Variants in TAOK3 observed in about 807,000 individuals in gnomAD.
The protein encoded by TAOK3 is TAO kinase 3.
TAOK3 carries 40 observed loss-of-function variants against 120.4 expected under a neutral mutation model. That is an observed-to-expected ratio of 0.33 (90% CI 0.26 to 0.43). The LOEUF (loss-of-function observed/expected upper bound fraction) is 0.43. TAOK3 is among the 20% of genes least tolerant of loss of function. TAOK3 has a pLI of 1.00. For synonymous variants in TAOK3, 355 were observed against 387.5 expected (o/e 0.92, Z 0.99); for missense variants, 821 against 1,112.1 (o/e 0.74, Z 3.72).
At chr12:118,368,678 C>T (rs1352457574) in intron 1 of TAOK3, among the ~76,000 whole-genome samples, 3 of 150,400 alleles carry the variant, frequency 2.0e-5, no homozygotes, top group Non-Finnish European at 3.0e-5. Context: ...TGGTGGCGCA[C>T]GCCTGTAATC....
intron 1 of TAOK3, among the ~76,000 whole-genome samples, chr12:118,335,754 A>G (rs2044343511): frequency 6.6e-6 from 1 of 152,148 alleles, no homozygotes; most frequent in South Asian, 2.1e-4. Context: ...GCTTGGACCC[A>G]GGAGGCAGAG....
At chr12:118,277,277 C>A (rs1488537493) in intron 1 of TAOK3, among the ~76,000 whole-genome samples, 1 of 152,146 alleles carries the variant, frequency 6.6e-6, no homozygotes, top group Non-Finnish European at 1.5e-5. Flanking sequence ...TATCATCTGG[C>A]CTTCACAAGA....
At chr12:118,164,269 G>A (rs1250880397) in intron 17 of TAOK3, among the ~76,000 whole-genome samples, 1 of 151,328 alleles carries the variant, frequency 6.6e-6, no homozygotes, top group Non-Finnish European at 1.5e-5. Flanking sequence ...GTAGCTTGCA[G>A]GGAGCCAAGA....
At chr12:118,297,087 C>T (rs1204798000) in intron 1 of TAOK3, 3 of 152,066 alleles carry the variant, frequency 2.0e-5, no homozygotes, top group East Asian at 3.9e-4. Context: ...TTTCTTCTTC[C>T]GCATGATTAA....
intron 1 of TAOK3, among the ~76,000 whole-genome samples, chr12:118,368,187 C>A (rs888451670): frequency 6.6e-6 from 1 of 152,140 alleles, no homozygotes; most frequent in African/African-American, 2.4e-5. Context: ...TCCATCTTAA[C>A]GACTTTTGGT....
intron 1 of TAOK3, among the ~76,000 whole-genome samples, chr12:118,318,742 G>A (rs1225546119): frequency 1.3e-5 from 2 of 152,096 alleles, no homozygotes; most frequent in Non-Finnish European, 2.9e-5. Context: ...ACATCCAAAG[G>A]AAATGAAATG....
At chr12:118,211,633 G>C (rs1176351903) in intron 11 of TAOK3, among the ~76,000 whole-genome samples, 1 of 135,614 alleles carries the variant, frequency 7.4e-6, no homozygotes, top group African/African-American at 2.8e-5. Flanking sequence ...TTTTTTTAAA[G>C]AGATGGTATT....
intron 1 of TAOK3, among the ~76,000 whole-genome samples, chr12:118,327,594 T>A (rs770326407): frequency 8.5e-5 from 13 of 152,222 alleles, no homozygotes; most frequent in Non-Finnish European, 1.8e-4. Flanking sequence ...GTTCATTCAA[T>A]ATCAAGTCCT....
intron 11 of TAOK3, among the ~76,000 whole-genome samples, chr12:118,204,166 C>G (rs1329337828): frequency 6.6e-6 from 1 of 150,968 alleles, no homozygotes; most frequent in African/African-American, 2.4e-5. Flanking sequence ...AGCCAGGAGG[C>G]TGAGGCAGGA....
At chr12:118,218,016 C>T (rs973761057) in intron 9 of TAOK3, among the ~76,000 whole-genome samples, 17 of 150,366 alleles carry the variant, frequency 1.1e-4, no homozygotes, top group African/African-American at 2.9e-4. Flanking sequence ...CATGCCACCA[C>T]GCCTCGCTAA....
intron 11 of TAOK3, among the ~76,000 whole-genome samples, chr12:118,201,991 T>A (rs2038046799): frequency 6.6e-6 from 1 of 152,064 alleles, no homozygotes; most frequent in Non-Finnish European, 1.5e-5. Context: ...CCACCTTTCA[T>A]TTTGTGTTTT....
intron 11 of TAOK3, among the ~76,000 whole-genome samples, chr12:118,207,313 C>T (rs774745876): frequency 6.7e-4 from 95 of 141,412 alleles, no homozygotes; most frequent in African/African-American, 4.5e-4. Context: ...GCAACAAGAG[C>T]GAAACTCCGT....
intron 2 of TAOK3, among the ~76,000 whole-genome samples, chr12:118,258,456 G>A (rs1463729826): frequency 6.6e-6 from 1 of 152,186 alleles, no homozygotes; most frequent in South Asian, 2.1e-4. Context: ...GCTTACACCT[G>A]TAATCCCAGT....
At chr12:118,366,202 T>A (rs1412832136) in intron 1 of TAOK3, among the ~76,000 whole-genome samples, 1 of 152,046 alleles carries the variant, frequency 6.6e-6, no homozygotes, top group Non-Finnish European at 1.5e-5. Context: ...AGGTGGAGGT[T>A]ACAGTTAGCC....
chr12:118,181,456 T>G lies in TAOK3; in HGVS notation c.1481A>C (p.Gln494Pro). The G allele has an allele frequency of 1.2e-6, 2 of 1,614,214 alleles. No homozygotes were observed. Among genetic ancestry groups the G allele is most frequent in the East Asian group, 2.2e-5 (1 of 44,868 alleles). ...AEMDEHRLKL[Q>P]KEVETHANNS... is the part of the protein sequence containing the mutation. Reference sequence around the variant, plus strand: ...GTTGGCATGCGTCTCCACCTCCTTCTGTAGCTTGAGGCGGTGCTCGTCCAT... The same window carrying G: ...GTTGGCATGCGTCTCCACCTCCTTCGGTAGCTTGAGGCGGTGCTCGTCCAT... The change falls in exon 15 of 21, where the codon CAG becomes CCG. Residue 494 changes from glutamine (Q) to proline (P), a missense_variant. Gln to Pro is a moderately conservative substitution (Grantham distance 76). Coordinates refer to ENST00000392533, the MANE Select transcript of TAOK3 (RefSeq NM_016281.4).
At chr12:118,352,170 C>A (rs1201453025) in intron 1 of TAOK3, among the ~76,000 whole-genome samples, 1 of 151,968 alleles carries the variant, frequency 6.6e-6, no homozygotes, top group Non-Finnish European at 1.5e-5. Flanking sequence ...CCGCGCCCGG[C>A]CTAATCTATA....
At chr12:118,238,861 G>A (rs913810140) in intron 6 of TAOK3, among the ~76,000 whole-genome samples, 17 of 152,132 alleles carry the variant, frequency 1.1e-4, no homozygotes, top group African/African-American at 3.9e-4. Context: ...CATCTGCAGA[G>A]AGGAATGGGG....
chr12:118,349,127 G>C (rs2045019936), intron 1 of TAOK3, among the ~76,000 whole-genome samples: 1 of 151,632 alleles, frequency 6.6e-6, no homozygotes, highest in African/African-American at 2.4e-5. Flanking sequence ...CCTGACCTCA[G>C]GTGACCGCCC....
chr12:118,205,669 G>C (rs184349912), intron 11 of TAOK3, among the ~76,000 whole-genome samples: 1 of 152,094 alleles, frequency 6.6e-6, no homozygotes, highest in Non-Finnish European at 1.5e-5. Flanking sequence ...AGAGTGCAGT[G>C]GTGCAATCTC....
Sources: allele counts gnomAD v4.1 joint callset (sites outside exome capture counted in the v4.1 genomes callset), GRCh38; gene constraint gnomAD v4.1.1; transcripts MANE v1.5; gene names NCBI Gene and HGNC (gene_info 2026-07-23, HGNC 2026-07-21).